Variants in SNX2 observed in about 807,000 individuals in gnomAD.
The protein encoded by SNX2 is sorting nexin-2.
In SNX2, 25 loss-of-function variants were observed where a neutral mutation model predicts 69.9. The observed-to-expected ratio is 0.36, with a 90% CI of 0.26 to 0.50. The LOEUF (loss-of-function observed/expected upper bound fraction) is 0.50, where lower values mean the gene tolerates loss of function less well. SNX2 is among the 20% of genes least tolerant of loss of function. SNX2 has a pLI of 0.97. For synonymous variants in SNX2, 229 were observed against 200.4 expected (o/e 1.14, Z -1.20); for missense variants, 551 against 613.3 (o/e 0.90, Z 1.07).
chr5:122,825,856 GTTTT>G (rs1754137956), intron 11 of SNX2, among the ~76,000 whole-genome samples, 190 bp from the exon 12 acceptor site: 1 of 151,880 alleles, frequency 6.6e-6, no homozygotes, highest in African/African-American at 2.4e-5. Context: ...CAGTGACAGG[GTTTT>G]TTTGTTTTAA....
chr5:122,819,292 GAACT>G (rs1254790382), intron 11 of SNX2, among the ~76,000 whole-genome samples: 2 of 152,144 alleles, frequency 1.3e-5, no homozygotes, highest in African/African-American at 2.4e-5. Context: ...TACAAGTTTG[GAACT>G]AACTAATAGC....
At chr5:122,802,384 A>G (rs1487141934) in intron 5 of SNX2, among the ~76,000 whole-genome samples, 2 of 151,888 alleles carry the variant, frequency 1.3e-5, no homozygotes, top group Admixed American at 1.3e-4. Context: ...GGAGGGGGGG[A>G]AGAAGAAGAA....
intron 2 of SNX2, among the ~76,000 whole-genome samples, chr5:122,795,994 C>T (rs1753367350): frequency 1.3e-5 from 2 of 152,080 alleles, no homozygotes; most frequent in Non-Finnish European, 2.9e-5. Context: ...AAATTAATGA[C>T]ACAAAAAATG....
intron 2 of SNX2, among the ~76,000 whole-genome samples, chr5:122,797,072 C>T (rs1447898301): frequency 6.6e-6 from 1 of 152,214 alleles, no homozygotes; most frequent in African/African-American, 2.4e-5. Context: ...AGACTTCAGA[C>T]ATGTGCCACT....
intron 7 of SNX2, 57 bp from the exon 8 acceptor site, chr5:122,815,839 G>T: frequency 3.4e-6 from 3 of 888,938 alleles, no homozygotes; most frequent in East Asian, 2.6e-5. Flanking sequence ...TTATCATTTT[G>T]TTGAACTGTA....
intron 1 of SNX2, among the ~76,000 whole-genome samples, chr5:122,777,706 TTTAA>T (rs1752885059): frequency 6.6e-6 from 1 of 152,212 alleles, no homozygotes; most frequent in African/African-American, 2.4e-5. Flanking sequence ...TTTTATTATT[TTTAA>T]TTGACACATA....
At chr5:122,775,079 C>G (rs200816836), upstream of SNX2, 18 of 1,564,984 alleles carry the variant, frequency 1.2e-5, no homozygotes, top group South Asian at 1.9e-4. Flanking sequence ...AGGCCCAGCT[C>G]GCGCAGTCGT....
rs1424201448 is a variant in SNX2 at position 122,793,600 on chromosome 5, T to TA, written c.109-1661dup. On this transcript the variant is annotated intron_variant, in intron 1 of 14. Coordinates refer to ENST00000379516, the MANE Select transcript of SNX2 (RefSeq NM_003100.4). ...ACAGTTTTTTTGTGTTATACTTCAA[T>TA]AAAAAGGTTTTTAAAAGACCTAGTT... Among the ~76,000 whole-genome samples the TA allele has an allele frequency of 2.6e-5, 4 of 152,168 alleles. 1 individual carries two copies. Among genetic ancestry groups the TA allele is most frequent in the Non-Finnish European group, 5.9e-5 (4 of 68,022 alleles).
chr5:122,829,806 ACACACT>A lies in SNX2; in HGVS notation c.*160_*165del, dbSNP rs779385800. ...CACACACACACACACACACACACAC[ACACACT>A]CTGACATTTTATTACAAGCTGCATG... On this transcript the variant is annotated 3_prime_UTR_variant, in exon 15 of 15. Transcript: ENST00000379516. The A allele has an allele frequency of 1.9e-5, 10 of 522,656 alleles. No homozygotes were observed. The highest frequency in any genetic ancestry group is 4.9e-5 in the South Asian group (2 of 40,642). 32.4% of individuals were successfully genotyped at this position (522,656 alleles called of 1,614,324 possible).
intron 2 of SNX2, among the ~76,000 whole-genome samples, chr5:122,795,822 G>A (rs960122055): frequency 6.6e-6 from 1 of 152,062 alleles, no homozygotes; most frequent in African/African-American, 2.4e-5. Context: ...TGTTCCATTT[G>A]ACCCACTTTT....
In SNX2 at chr5:122,833,241, A is replaced by G. The variant is rs192612888; in HGVS notation, c.*3593A>G. Reference sequence around the variant, plus strand: ...ATGGGTCAGACATGGAAATAGCAATAAAAGGGAATTACAACAAGATAAATG... The same window carrying G: ...ATGGGTCAGACATGGAAATAGCAATGAAAGGGAATTACAACAAGATAAATG... On this transcript the variant is annotated 3_prime_UTR_variant, in exon 15 of 15. Coordinates refer to ENST00000379516, the MANE Select transcript of SNX2 (RefSeq NM_003100.4). 2 of 152,308 alleles carry G rather than the reference A, an allele frequency of 1.3e-5. No individual in the cohort carries two copies. Among genetic ancestry groups the G allele is most frequent in the East Asian group, 1.9e-4 (1 of 5,188 alleles). 9.4% of individuals were successfully genotyped at this position (152,308 alleles called of 1,614,324 possible).
At chr5:122,829,075 C>T (rs546230715) in intron 14 of SNX2, among the ~76,000 whole-genome samples, 6 of 152,204 alleles carry the variant, frequency 3.9e-5, no homozygotes, top group Admixed American at 3.3e-4. Flanking sequence ...CGAGGTCATG[C>T]CATTGCACTC....
rs759124364 is a variant in SNX2 at position 122,803,481 on chromosome 5, T to A, written c.511T>A (p.Ser171Thr). The change falls in exon 6 of 15, where the codon TCC (serine) becomes ACC (threonine). Residue 171 changes from serine to threonine, a missense_variant. Coordinates refer to ENST00000379516, the MANE Select transcript of SNX2 (RefSeq NM_003100.4). Reference sequence around the variant, plus strand: ...TCTTCTTCACTTGTAGACATCTCTTTCCATGTTCAGTAAGAGTGAATTTTC... The same window carrying A: ...TCTTCTTCACTTGTAGACATCTCTTACCATGTTCAGTAAGAGTGAATTTTC... ...AYRVTTKTSLSMFSKSEFSVK... is the reference protein window; with the variant it reads ...AYRVTTKTSLTMFSKSEFSVK... 2 of 1,608,882 alleles carry A rather than the reference T, an allele frequency of 1.2e-6. No individual in the cohort carries two copies. Among genetic ancestry groups the A allele is most frequent in the Non-Finnish European group, 1.7e-6 (2 of 1,178,736 alleles).
intron 7 of SNX2, 22 bp from the exon 8 acceptor site, chr5:122,815,874 G>C (rs192239866): frequency 8.8e-6 from 12 of 1,370,960 alleles, no homozygotes; most frequent in Non-Finnish European, 1.2e-5. Context: ...TGATAAAGGA[G>C]CAATTTTACT....
chr5:122,780,093 C>T (rs1442034053), intron 1 of SNX2, among the ~76,000 whole-genome samples: 1 of 152,160 alleles, frequency 6.6e-6, no homozygotes, highest in Non-Finnish European at 1.5e-5. Context: ...AAGTTTATTT[C>T]ACTTGAGGTT....
chr5:122,816,613 G>A (rs1205324080), intron 8 of SNX2, among the ~76,000 whole-genome samples: 1 of 152,016 alleles, frequency 6.6e-6, no homozygotes, highest in Admixed American at 6.6e-5. Flanking sequence ...CCAGTGTTAG[G>A]GTACTTGGCA....
intron 11 of SNX2, among the ~76,000 whole-genome samples, chr5:122,824,849 C>G (rs765920995): frequency 1.3e-5 from 2 of 152,166 alleles, no homozygotes; most frequent in Middle Eastern, 3.4e-3. Context: ...ATGGCTGTAC[C>G]TACTGATTAT....
At chr5:122,795,238 A>G (rs546105476) in intron 1 of SNX2, 28 bp from the exon 2 acceptor site, 4 of 1,396,890 alleles carry the variant, frequency 2.9e-6, no homozygotes, top group East Asian at 4.6e-5. Context: ...ATGCCAATCC[A>G]TTACCTATTA....
chr5:122,785,873 C>T (rs1030790568), intron 1 of SNX2, among the ~76,000 whole-genome samples: 8 of 152,008 alleles, frequency 5.3e-5, no homozygotes, highest in African/African-American at 1.7e-4. Context: ...GGTGGAGTGT[C>T]GTACAAATGT....
Sources: gnomAD v4.1 joint callset for allele counts (sites outside exome capture counted in the v4.1 genomes callset) on GRCh38, gnomAD v4.1.1 for gene constraint, MANE v1.5 for transcripts, NCBI Gene and HGNC (gene_info 2026-07-23, HGNC 2026-07-21) for gene names.